The following WDSUB1 variants were observed in gnomAD, a reference collection of about 807,000 sequenced individuals.
The protein encoded by WDSUB1 is WD repeat, sterile alpha motif and U-box domain containing 1.
WDSUB1 carries 49 observed loss-of-function variants against 53.9 expected under a neutral mutation model. The observed-to-expected ratio is 0.91, with a 90% CI of 0.72 to 1.15. WDSUB1 has a LOEUF of 1.15. Ranked by LOEUF, WDSUB1 falls within the 50% of genes most tolerant of loss-of-function variation. The pLI is 0.00. For synonymous variants in WDSUB1, 194 were observed against 200.6 expected (o/e 0.97, Z 0.28); for missense variants, 514 against 562.0 (o/e 0.91, Z 0.86).
intron 9 of WDSUB1, 108 bp downstream of exon 9, chr2:159,256,088 A>T: frequency 1.0e-6 from 1 of 998,210 alleles, no homozygotes; most frequent in Non-Finnish European, 1.4e-6. Context: ...ATGGGTCATT[A>T]GTGTAGTGCC....
chr2:159,273,148 G>GACAC (rs1368280797), intron 4 of WDSUB1, among the ~76,000 whole-genome samples: 1 of 152,126 alleles, frequency 6.6e-6, no homozygotes, highest in African/African-American at 2.4e-5. Context: ...GGAGAGCAGA[G>GACAC]ACACACACTA....
rs758281190 is a variant in WDSUB1, at chr2:159,271,673, GT to G, written c.770+28del. On this transcript the variant is annotated intron_variant, in intron 5 of 10. Transcript: ENST00000359774. ...GTCTGTTTGATTTCATATAAAAATGGTTTAGGAAAATTAAACCAACTAGCTT... is the reference window on the plus strand; with the variant it reads ...GTCTGTTTGATTTCATATAAAAATGGTTAGGAAAATTAAACCAACTAGCTT... 29 of 1,584,380 alleles carry G rather than the reference GT, an allele frequency of 1.8e-5. No homozygotes were observed. In the African/African-American group the frequency reaches 3.4e-4, roughly 18 times the overall value.
chr2:159,249,405 T>C (rs949396364), intron 9 of WDSUB1, among the ~76,000 whole-genome samples: 1 of 152,236 alleles, frequency 6.6e-6, no homozygotes, highest in African/African-American at 2.4e-5. Flanking sequence ...TTTACACTTT[T>C]AGAACTAGTT....
chr2:159,268,038 T>C (rs76673696), intron 5 of WDSUB1, among the ~76,000 whole-genome samples: 6,123 of 152,276 alleles, frequency 0.04, 395 homozygotes, highest in African/African-American at 0.14. Flanking sequence ...ATAAATACAA[T>C]GTTAACTAAG....
At position 159,248,487 on chromosome 2, in the gene WDSUB1, C is replaced by T; in HGVS notation, c.1158G>A (p.Val386=). 2 of 1,570,128 alleles carry T rather than the reference C, an allele frequency of 1.3e-6. No homozygotes were observed. Among genetic ancestry groups the T allele is most frequent in the Non-Finnish European group, 1.7e-6 (2 of 1,164,948 alleles). Residue 386 remains valine, a synonymous_variant, in exon 10 of 11, where the codon GTG becomes GTA. Transcript: ENST00000359774. ...TCCTGAGCTCTTCAATTTTCCTCAG[C>T]ACTTTACTACGCAGTCCTAGAGATT... ...KIESLGLRSK[V]LRKIEELRTK...
At chr2:159,274,215 C>T (rs537193582) in intron 4 of WDSUB1, among the ~76,000 whole-genome samples, 2 of 152,168 alleles carry the variant, frequency 1.3e-5, no homozygotes, top group South Asian at 4.1e-4. Context: ...GAAAACACCC[C>T]AAGACTGGCC....
At chr2:159,257,630 C>T (rs2061093738) in intron 8 of WDSUB1, 128 bp downstream of exon 8, 2 of 716,278 alleles carry the variant, frequency 2.8e-6, no homozygotes, top group Non-Finnish European at 4.8e-6. Flanking sequence ...TCAAGTGATA[C>T]ACCCACCTTG....
chr2:159,237,149 T>C (rs2151027023), intron 10 of WDSUB1, among the ~76,000 whole-genome samples: 1 of 152,342 alleles, frequency 6.6e-6, no homozygotes, highest in South Asian at 2.1e-4. Context: ...AAGATTACTT[T>C]ATGGTTCTTT....
At chr2:159,247,522 T>C (rs1382181440) in intron 10 of WDSUB1, among the ~76,000 whole-genome samples, 2 of 152,134 alleles carry the variant, frequency 1.3e-5, no homozygotes, top group Non-Finnish European at 2.9e-5. Context: ...ATTAGATATA[T>C]TACTGGCAGC....
intron 5 of WDSUB1, among the ~76,000 whole-genome samples, chr2:159,262,369 T>C (rs1197923988): frequency 1.3e-5 from 2 of 151,936 alleles, no homozygotes; most frequent in African/African-American, 4.8e-5. Flanking sequence ...GCACCCTGAG[T>C]GTCTGCCCAA....
chr2:159,248,548 T>C, intron 9 of WDSUB1, 36 bp from the exon 10 acceptor site: 1 of 1,469,432 alleles, frequency 6.8e-7, no homozygotes, highest in Non-Finnish European at 9.0e-7. Context: ...GGATAACTAC[T>C]AGTAATCCTT....
intron 9 of WDSUB1, among the ~76,000 whole-genome samples, chr2:159,249,158 C>T (rs1434185692): frequency 6.6e-6 from 1 of 152,104 alleles, no homozygotes; most frequent in Non-Finnish European, 1.5e-5. Context: ...CAAAAAATTT[C>T]CTAAAAATCA....
rs554246578 is a variant in WDSUB1, at chr2:159,271,024, G to T, written c.770+678C>A. ...AAACGCAAATTAAAACCATAGTAAGGCAACACTACACACTCATCAGAACGG... is the reference window on the plus strand; with the variant it reads ...AAACGCAAATTAAAACCATAGTAAGTCAACACTACACACTCATCAGAACGG... On this transcript the variant is annotated intron_variant, in intron 5 of 10. Coordinates refer to ENST00000359774, the MANE Select transcript of WDSUB1 (RefSeq NM_001128212.3). Among the ~76,000 whole-genome samples, 18 of 152,216 alleles carry T rather than the reference G, an allele frequency of 1.2e-4. No homozygotes were observed. In the East Asian group the frequency reaches 3.3e-3, roughly 28 times the overall value.
chr2:159,247,871 G>T (rs1450774764), intron 10 of WDSUB1, among the ~76,000 whole-genome samples: 162 of 90,242 alleles, frequency 1.8e-3, no homozygotes, highest in African/African-American at 5.5e-3. Flanking sequence ...GGAAGCTGTA[G>T]GCCAAAATTA....
At chr2:159,255,795 A>T (rs12998667) in intron 9 of WDSUB1, among the ~76,000 whole-genome samples, 63,983 of 152,058 alleles carry the variant, frequency 0.42, 14,763 homozygotes, top group Non-Finnish European at 0.54. Flanking sequence ...TTACTATAGC[A>T]TATTAGTAAT....
At chr2:159,263,545 A>G (rs1392506357) in intron 5 of WDSUB1, among the ~76,000 whole-genome samples, 1 of 152,206 alleles carries the variant, frequency 6.6e-6, no homozygotes, top group Non-Finnish European at 1.5e-5. Context: ...TGCAAAAAGG[A>G]AATATGACCA....
At chr2:159,237,636 T>C (rs1454448924) in intron 10 of WDSUB1, among the ~76,000 whole-genome samples, 1 of 152,200 alleles carries the variant, frequency 6.6e-6, no homozygotes, top group African/African-American at 2.4e-5. Context: ...TAATCCATTT[T>C]CAAATATGTA....
At chr2:159,271,677 A>T (rs781536391) in intron 5 of WDSUB1, 25 bp downstream of exon 5, 15 of 1,593,998 alleles carry the variant, frequency 9.4e-6, no homozygotes, top group Non-Finnish European at 1.3e-5. Context: ...AAAATGGTTT[A>T]GGAAAATTAA....
intron 5 of WDSUB1, among the ~76,000 whole-genome samples, chr2:159,263,614 C>T (rs1194643563): frequency 6.6e-6 from 1 of 152,084 alleles, no homozygotes; most frequent in Non-Finnish European, 1.5e-5. Flanking sequence ...GACATGAAGC[C>T]CTCAGACTGA....
Sources: gnomAD v4.1 joint callset for allele counts (sites outside exome capture counted in the v4.1 genomes callset) on GRCh38, gnomAD v4.1.1 for gene constraint, MANE v1.5 for transcripts, NCBI Gene and HGNC (gene_info 2026-07-23, HGNC 2026-07-21) for gene names.